The following DOT1L variants were observed in gnomAD, a reference collection of about 807,000 sequenced individuals.
The protein encoded by DOT1L is histone-lysine N-methyltransferase, H3 lysine-79 specific.
DOT1L carries 33 observed loss-of-function variants against 153.3 expected under a neutral mutation model. The ratio of observed to expected loss-of-function variants is 0.22; its 90% CI spans 0.16 to 0.29. The LOEUF (loss-of-function observed/expected upper bound fraction) is 0.29. Ranked by LOEUF, DOT1L falls within the 10% of genes least tolerant of loss-of-function variation. The pLI is 1.00. For missense variants in DOT1L, 1,847 were observed against 2,119.9 expected (o/e 0.87, Z 2.53); for synonymous variants, 1,135 against 965.1 (o/e 1.18, Z -3.26).
intron 8 of DOT1L, among the ~76,000 whole-genome samples, chr19:2,200,417 T>G (rs2023204830): frequency 6.6e-6 from 1 of 152,172 alleles, no homozygotes; most frequent in Non-Finnish European, 1.5e-5. Context: ...CACCCAGGCC[T>G]GGGAGCTCAG....
chr19:2,174,120 G>A (rs2021790114), intron 1 of DOT1L, among the ~76,000 whole-genome samples: 1 of 152,206 alleles, frequency 6.6e-6, no homozygotes, highest in Non-Finnish European at 1.5e-5. Flanking sequence ...GCTGTGCCCA[G>A]CCAGCTGGGG....
chr19:2,166,511 A>G (rs1476947170), intron 1 of DOT1L, among the ~76,000 whole-genome samples: 1 of 136,596 alleles, frequency 7.3e-6, no homozygotes, highest in Non-Finnish European at 1.7e-5. Context: ...TCCCGGGTTC[A>G]AGCGATTCTC....
chr19:2,184,605 T>C (rs1298081370), intron 2 of DOT1L, among the ~76,000 whole-genome samples: 1 of 152,118 alleles, frequency 6.6e-6, no homozygotes, highest in African/African-American at 2.4e-5. Context: ...CTGCGGAAGG[T>C]GGGCCTGCTG....
chr19:2,173,617 G>A (rs533590137), intron 1 of DOT1L, among the ~76,000 whole-genome samples: 6 of 152,288 alleles, frequency 3.9e-5, no homozygotes, highest in South Asian at 2.1e-4. Context: ...GGTGCCATCC[G>A]ACCACCCTTC....
chr19:2,231,181 C>G lies in DOT1L; in HGVS notation c.*1389C>G, dbSNP rs944431409. 1.8e-5 allele frequency: 4 copies of G among 227,806 alleles called. No individual in the cohort carries two copies. Among genetic ancestry groups the G allele is most frequent in the East Asian group, 1.3e-4 (2 of 15,912 alleles). 14.1% of individuals were successfully genotyped at this position (227,806 alleles called of 1,614,324 possible). ...CTGTGCCCTCCCTGGAGGATGGGAT[C>G]TGGGAGTCTGAGCTCCCCGCATCTG... On this transcript the variant is annotated 3_prime_UTR_variant, in exon 28 of 28. Coordinates refer to ENST00000398665, the MANE Select transcript of DOT1L (RefSeq NM_032482.3).
At position 2,232,479 on chromosome 19, in the gene DOT1L, C is replaced by T. The variant is rs993850034; in HGVS notation, c.*2687C>T. 7 of 221,934 alleles carry T rather than the reference C, an allele frequency of 3.2e-5. 1 individual carries two copies. The highest frequency in any genetic ancestry group is 1.3e-4 in the East Asian group (2 of 15,332). 13.7% of individuals were successfully genotyped at this position (221,934 alleles called of 1,614,324 possible). On this transcript the variant is annotated 3_prime_UTR_variant, in exon 28 of 28. Transcript: ENST00000398665. ...TGTATTTGGATTGCGCGCATTGTCA[C>T]GGTCCGCCCCTGGGCTGCAGGCGCC...
chr19:2,187,985 C>T (rs768707140), intron 3 of DOT1L, among the ~76,000 whole-genome samples: 4 of 151,128 alleles, frequency 2.6e-5, no homozygotes, highest in African/African-American at 7.3e-5. Context: ...TCTGGAGCTG[C>T]GGGGAAGGCG....
chr19:2,228,503 G>C, intron 27 of DOT1L: 1 of 1,178,378 alleles, frequency 8.5e-7, no homozygotes, highest in Non-Finnish European at 1.1e-6. Flanking sequence ...AAGAGGGAGA[G>C]AGCCAGGGAG....
chr19:2,218,026 G>A (rs1226614579), intron 22 of DOT1L, 108 bp downstream of exon 22: 1 of 1,463,126 alleles, frequency 6.8e-7, no homozygotes, highest in Non-Finnish European at 9.1e-7. Context: ...AAAATGTCGA[G>A]CGTGAGGCAA....
chr19:2,206,521 C>CAAAAAAAAA (rs5826758), intron 9 of DOT1L, among the ~76,000 whole-genome samples: 2 of 80,714 alleles, frequency 2.5e-5, no homozygotes. Context: ...GACTCTGTCT[C>CAAAAAAAAA]AAAAAAAAAA....
chr19:2,164,455 G>C (rs2144622206), intron 1 of DOT1L, 190 bp downstream of exon 1: 1 of 366,830 alleles, frequency 2.7e-6, no homozygotes, highest in Non-Finnish European at 4.7e-6. Flanking sequence ...CGCAGGGTGG[G>C]AGCCCCGCGC....
chr19:2,195,739 G>A (rs537747764), intron 7 of DOT1L, among the ~76,000 whole-genome samples: 71 of 152,336 alleles, frequency 4.7e-4, no homozygotes, highest in African/African-American at 1.6e-3. Flanking sequence ...CTGCCCAGCA[G>A]AGCGGCTCAG....
chr19:2,170,034 A>G (rs552403793), intron 1 of DOT1L, among the ~76,000 whole-genome samples: 7 of 152,204 alleles, frequency 4.6e-5, no homozygotes, highest in Admixed American at 1.3e-4. Context: ...GCGGTTGCCT[A>G]TAATCCGGAG....
At chr19:2,201,464 C>T (rs2023279547) in intron 8 of DOT1L, among the ~76,000 whole-genome samples, 1 of 152,208 alleles carries the variant, frequency 6.6e-6, no homozygotes, top group Non-Finnish European at 1.5e-5. Flanking sequence ...GTGCTCGTGG[C>T]TTGTGGTTGA....
At chr19:2,205,001 C>T (rs2023437033) in intron 9 of DOT1L, among the ~76,000 whole-genome samples, 1 of 151,784 alleles carries the variant, frequency 6.6e-6, no homozygotes, top group African/African-American at 2.4e-5. Flanking sequence ...GACGGAGTCT[C>T]ACTCTGTCGC....
In DOT1L at chr19:2,199,928, C is replaced by A; in HGVS notation, c.696C>A (p.Ile232=). 6.2e-7 allele frequency: 1 copy of A among 1,613,860 alleles called. No individual in the cohort carries two copies. The highest frequency in any genetic ancestry group is 8.5e-7 in the Non-Finnish European group (1 of 1,179,860). ...DFLSEEWRER[I]ANTSVIFVNN... ...TCTCAGAAGAGTGGAGGGAGCGAAT[C>A]GCCAACACGAGGTATGGCCAGCGTG... Residue 232 remains isoleucine, a synonymous_variant, in exon 8 of 28, where the codon ATC becomes ATA. Transcript: ENST00000398665.
intron 1 of DOT1L, among the ~76,000 whole-genome samples, chr19:2,177,103 G>A (rs1434095762): frequency 6.6e-6 from 1 of 152,204 alleles, no homozygotes; most frequent in Non-Finnish European, 1.5e-5. Context: ...AGTCTGTGGG[G>A]GTCCGCAGGA....
intron 8 of DOT1L, among the ~76,000 whole-genome samples, chr19:2,201,382 A>G (rs1319515078): frequency 4.8e-5 from 6 of 125,668 alleles, no homozygotes; most frequent in African/African-American, 6.1e-5. Context: ...TGCATTCCTC[A>G]TCCTCCCCAT....
In DOT1L at chr19:2,214,488, G is replaced by A. The variant is rs2144855379; in HGVS notation, c.1815G>A (p.Glu605=). ...QSLQLLKARC[E]ELQLDWATLS... ...CCCCTCAGCTCAAGGCTCGCTGCGA[G>A]GAGCTGCAGCTGGACTGGGCCACGC... Residue 605 remains glutamate (E), a synonymous_variant, in exon 19 of 28, where the codon GAG becomes GAA. Transcript: ENST00000398665. The A allele has an allele frequency of 6.2e-7, 1 of 1,613,026 alleles. No homozygotes were observed. The highest frequency in any genetic ancestry group is 8.5e-7 in the Non-Finnish European group (1 of 1,179,874).
Sources: gnomAD v4.1 joint callset for allele counts (sites outside exome capture counted in the v4.1 genomes callset) on GRCh38, gnomAD v4.1.1 for gene constraint, MANE v1.5 for transcripts, NCBI Gene and HGNC (gene_info 2026-07-23, HGNC 2026-07-21) for gene names.